The following DLGAP2 variants were observed in gnomAD, a reference collection of about 807,000 sequenced individuals.
DLGAP2 encodes DLG associated protein 2.
Under a neutral mutation model 100.3 loss-of-function variants are expected in DLGAP2, and 26 were observed. That is an observed-to-expected ratio of 0.26 (90% CI 0.19 to 0.36). The LOEUF is 0.36. Among genes scored for constraint, DLGAP2 ranks in the 10% least tolerant of loss-of-function variants. The pLI is 1.00. For missense variants in DLGAP2, 1,858 were observed against 1,453.2 expected (o/e 1.28, Z -4.53); for synonymous variants, 886 against 630.1 (o/e 1.41, Z -6.08).
At chr8:1,115,714 G>T (rs1311213872) in intron 2 of DLGAP2, among the ~76,000 whole-genome samples, 2 of 152,186 alleles carry the variant, frequency 1.3e-5, no homozygotes, top group African/African-American at 2.4e-5. Flanking sequence ...TGAGACCACT[G>T]GCTATGTAGA....
At chr8:1,449,793 C>A (rs1018590039) in intron 3 of DLGAP2, among the ~76,000 whole-genome samples, 1 of 128,590 alleles carries the variant, frequency 7.8e-6, no homozygotes, top group African/African-American at 2.9e-5. Flanking sequence ...CCGTGCTGCA[C>A]TGGGCTGCCG....
intron 2 of DLGAP2, among the ~76,000 whole-genome samples, chr8:1,086,154 CA>C (rs1331596831): frequency 2.6e-5 from 4 of 152,040 alleles, no homozygotes; most frequent in Non-Finnish European, 5.9e-5. Context: ...TTGGTTTTAA[CA>C]GTTTTTGGTG....
chr8:1,490,891 G>T (rs1273260300), intron 3 of DLGAP2, among the ~76,000 whole-genome samples: 1 of 151,196 alleles, frequency 6.6e-6, no homozygotes, highest in African/African-American at 2.4e-5. Flanking sequence ...GGGGGACGGG[G>T]GAGGGATAGC....
chr8:751,471 A>G (rs913207280), intron 1 of DLGAP2, among the ~76,000 whole-genome samples: 1 of 152,012 alleles, frequency 6.6e-6, no homozygotes. Context: ...CAGGCCTCAT[A>G]TTTTTTTCCC....
At chr8:1,450,733 G>A (rs984242938) in intron 3 of DLGAP2, among the ~76,000 whole-genome samples, 3 of 152,078 alleles carry the variant, frequency 2.0e-5, no homozygotes, top group South Asian at 2.1e-4. Context: ...CAAGCGACAG[G>A]CACCGTCCTC....
At chr8:1,172,846 G>T (rs7812706) in intron 2 of DLGAP2, among the ~76,000 whole-genome samples, 7 of 151,826 alleles carry the variant, frequency 4.6e-5, no homozygotes, top group Non-Finnish European at 7.4e-5. Context: ...CCTGTAGCTC[G>T]TAGTTTGATC....
At chr8:1,105,706 C>A (rs1298660412) in intron 2 of DLGAP2, among the ~76,000 whole-genome samples, 13 of 142,824 alleles carry the variant, frequency 9.1e-5, no homozygotes, top group Non-Finnish European at 1.8e-4. Flanking sequence ...CTGAAGGGGG[C>A]CGTTCTAAGA....
At chr8:1,698,518 GA>G (rs1799468436) in intron 14 of DLGAP2, among the ~76,000 whole-genome samples, 1 of 148,120 alleles carries the variant, frequency 6.8e-6, no homozygotes, top group Non-Finnish European at 1.5e-5. Context: ...CCACACATGG[GA>G]CAGGTCCATG....
intron 2 of DLGAP2, among the ~76,000 whole-genome samples, chr8:1,243,828 A>C (rs1397238306): frequency 6.6e-6 from 1 of 152,136 alleles, no homozygotes; most frequent in African/African-American, 2.4e-5. Context: ...ATTTACTTAT[A>C]TAACTCCTTT....
chr8:1,464,259 T>G, intron 3 of DLGAP2, among the ~76,000 whole-genome samples: 1 of 115,454 alleles, frequency 8.7e-6, no homozygotes, highest in Admixed American at 8.6e-5. Flanking sequence ...GACGGCTCCC[T>G]TCCAGGACGG....
At chr8:1,213,854 A>G (rs1306583785) in intron 2 of DLGAP2, among the ~76,000 whole-genome samples, 2 of 152,274 alleles carry the variant, frequency 1.3e-5, no homozygotes, top group East Asian at 3.9e-4. Context: ...CTGCTTGCCT[A>G]GAAGATGAGC....
intron 3 of DLGAP2, among the ~76,000 whole-genome samples, chr8:1,305,720 C>T (rs1287276695): frequency 1.3e-5 from 2 of 152,176 alleles, no homozygotes; most frequent in South Asian, 2.1e-4. Flanking sequence ...ATACTGTGTA[C>T]CACCTAAAGC....
At chr8:1,033,424 T>C (rs554348372) in intron 2 of DLGAP2, among the ~76,000 whole-genome samples, 2 of 152,068 alleles carry the variant, frequency 1.3e-5, no homozygotes, top group Non-Finnish European at 2.9e-5. Flanking sequence ...CCCAGCACTT[T>C]GAGGGGCTGA....
intron 3 of DLGAP2, among the ~76,000 whole-genome samples, chr8:1,431,755 T>C (rs200447249): frequency 0.21 from 32,221 of 152,064 alleles, 3,796 homozygotes; most frequent in Middle Eastern, 0.29. Context: ...GCCTTCCTTT[T>C]CTTTAGTTTG....
At chr8:1,559,569 A>G (rs1270071323) in intron 5 of DLGAP2, among the ~76,000 whole-genome samples, 3 of 152,238 alleles carry the variant, frequency 2.0e-5, no homozygotes, top group Non-Finnish European at 2.9e-5. Flanking sequence ...CAGAAACAGA[A>G]ACATACAAGC....
intron 6 of DLGAP2, among the ~76,000 whole-genome samples, chr8:1,615,112 G>A (rs1374798245): frequency 6.6e-6 from 1 of 152,202 alleles, no homozygotes; most frequent in Admixed American, 6.5e-5. Context: ...CAGAACAGAA[G>A]GGATGGAGCC....
At chr8:1,099,223 C>G (rs1804499743) in intron 2 of DLGAP2, among the ~76,000 whole-genome samples, 1 of 152,202 alleles carries the variant, frequency 6.6e-6, no homozygotes, top group African/African-American at 2.4e-5. Flanking sequence ...TGCGTAGTAA[C>G]TGCGATGAAT....
chr8:983,436 G>A (rs1473312839), intron 2 of DLGAP2, among the ~76,000 whole-genome samples: 1 of 151,786 alleles, frequency 6.6e-6, no homozygotes, highest in Non-Finnish European at 1.5e-5. Flanking sequence ...GTTGGTGGAA[G>A]GTACAGGTCG....
chr8:1,167,745 T>G (rs62487551), intron 2 of DLGAP2, among the ~76,000 whole-genome samples: 28,168 of 152,162 alleles, frequency 0.19, 2,780 homozygotes, highest in Middle Eastern at 0.36. Flanking sequence ...ATCCATTCAG[T>G]TGACAAACAT....
Sources: gnomAD v4.1 joint callset for allele counts (sites outside exome capture counted in the v4.1 genomes callset) on GRCh38, gnomAD v4.1.1 for gene constraint, MANE v1.5 for transcripts, NCBI Gene and HGNC (gene_info 2026-07-23, HGNC 2026-07-21) for gene names.